The following ERBB4 variants were observed in gnomAD, a reference collection of about 807,000 sequenced individuals.
ERBB4 encodes receptor tyrosine-protein kinase erbB-4.
In ERBB4, 42 loss-of-function variants were observed where a neutral mutation model predicts 158.0. That is an observed-to-expected ratio of 0.27 (90% confidence interval 0.21 to 0.34). ERBB4 has a LOEUF of 0.34. Among genes scored for constraint, ERBB4 ranks in the 10% least tolerant of loss-of-function variants. ERBB4 has a pLI of 1.00. For synonymous variants in ERBB4, 583 were observed against 558.7 expected (o/e 1.04, Z -0.61); for missense variants, 1,333 against 1,624.1 (o/e 0.82, Z 3.08).
chr2:211,603,115 C>T (rs540383099), intron 19 of ERBB4, among the ~76,000 whole-genome samples: 21 of 152,208 alleles, frequency 1.4e-4, no homozygotes, highest in African/African-American at 4.6e-4. Flanking sequence ...CCTGTAGTCC[C>T]AGCTACTCGG....
At chr2:211,757,772 C>A (rs1294615962) in intron 4 of ERBB4, among the ~76,000 whole-genome samples, 1 of 152,178 alleles carries the variant, frequency 6.6e-6, no homozygotes, top group Non-Finnish European at 1.5e-5. Flanking sequence ...CTTGAAGATT[C>A]TAAAGTTACT....
chr2:212,232,844 A>G (rs2105987586), intron 1 of ERBB4, among the ~76,000 whole-genome samples: 1 of 152,326 alleles, frequency 6.6e-6, no homozygotes, highest in Middle Eastern at 3.4e-3. Context: ...GAAGACCAAG[A>G]AGAAAACAGG....
chr2:212,019,436 T>C (rs1460053899), intron 2 of ERBB4, among the ~76,000 whole-genome samples: 3 of 151,882 alleles, frequency 2.0e-5, no homozygotes, highest in Non-Finnish European at 4.4e-5. Context: ...CATAAAATGA[T>C]GAATGGAAAA....
intron 25 of ERBB4, among the ~76,000 whole-genome samples, chr2:211,419,284 T>C (rs547972184): frequency 2.2e-4 from 33 of 152,156 alleles, no homozygotes; most frequent in African/African-American, 6.7e-4. Flanking sequence ...TAATAGAACC[T>C]CATGAAGTTT....
intron 2 of ERBB4, among the ~76,000 whole-genome samples, chr2:211,993,361 G>A (rs1256557856): frequency 6.6e-6 from 1 of 152,178 alleles, no homozygotes; most frequent in Non-Finnish European, 1.5e-5. Flanking sequence ...CGCCTCAGGA[G>A]ACACCTACTC....
intron 2 of ERBB4, among the ~76,000 whole-genome samples, chr2:211,978,281 T>G (rs1441323821): frequency 6.6e-6 from 1 of 152,044 alleles, no homozygotes; most frequent in Non-Finnish European, 1.5e-5. Context: ...GGATCCTCTC[T>G]ATAATTTCCC....
intron 1 of ERBB4, among the ~76,000 whole-genome samples, chr2:212,245,675 C>T (rs530275879): frequency 6.6e-6 from 1 of 152,106 alleles, no homozygotes; most frequent in African/African-American, 2.4e-5. Flanking sequence ...GGCCTGATAT[C>T]AACTGCTGTT....
At chr2:211,962,883 C>G (rs2081215867) in intron 2 of ERBB4, among the ~76,000 whole-genome samples, 1 of 152,028 alleles carries the variant, frequency 6.6e-6, no homozygotes, top group African/African-American at 2.4e-5. Context: ...TGGAATTTTC[C>G]CAAGTACTAT....
chr2:211,621,733 A>C (rs2069611357), intron 18 of ERBB4, among the ~76,000 whole-genome samples: 1 of 152,220 alleles, frequency 6.6e-6, no homozygotes, highest in Non-Finnish European at 1.5e-5. Flanking sequence ...TATCTTAAAA[A>C]TGGAAGTACG....
intron 20 of ERBB4, among the ~76,000 whole-genome samples, chr2:211,467,753 G>T (rs1230708998): frequency 6.6e-6 from 1 of 152,140 alleles, no homozygotes; most frequent in Non-Finnish European, 1.5e-5. Context: ...GAGGAAAGAA[G>T]CTAAATTCCT....
intron 3 of ERBB4, among the ~76,000 whole-genome samples, chr2:211,791,287 T>C (rs913423243): frequency 6.6e-6 from 1 of 151,952 alleles, no homozygotes; most frequent in Non-Finnish European, 1.5e-5. Flanking sequence ...AGTACAAAAA[T>C]GTCTGGCTAT....
chr2:212,399,545 CATATATATATATATATATATATAT>C (rs869111881), intron 1 of ERBB4, among the ~76,000 whole-genome samples: 2 of 38,098 alleles, frequency 5.2e-5, no homozygotes, highest in Admixed American at 2.5e-4. Flanking sequence ...TTTATATATA[CATATATATATATATATATATATAT>C]ATATATATAT....
At chr2:212,447,945 A>G (rs2092387609) in intron 1 of ERBB4, among the ~76,000 whole-genome samples, 1 of 152,126 alleles carries the variant, frequency 6.6e-6, no homozygotes, top group Admixed American at 6.5e-5. Context: ...TTGTCATTAT[A>G]TGGAATTGAA....
At chr2:211,517,603 C>A (rs995583985) in intron 20 of ERBB4, among the ~76,000 whole-genome samples, 6 of 152,108 alleles carry the variant, frequency 3.9e-5, no homozygotes, top group African/African-American at 1.4e-4. Context: ...ATTAGGCACA[C>A]CTTGCCTAAA....
At chr2:211,670,966 G>A (rs1034941181) in intron 14 of ERBB4, among the ~76,000 whole-genome samples, 2 of 152,080 alleles carry the variant, frequency 1.3e-5, no homozygotes, top group Non-Finnish European at 2.9e-5. Context: ...GCTACAGATG[G>A]TAAGCGAACA....
intron 5 of ERBB4, among the ~76,000 whole-genome samples, chr2:211,748,559 C>T (rs2075039197): frequency 6.6e-6 from 1 of 152,168 alleles, no homozygotes; most frequent in Non-Finnish European, 1.5e-5. Flanking sequence ...GCTCCTTCCT[C>T]CCTCAGATCT....
intron 2 of ERBB4, among the ~76,000 whole-genome samples, chr2:211,992,567 G>GAAAAAAAAAAAAAA (rs780595071): frequency 8.0e-6 from 1 of 125,240 alleles, no homozygotes. Flanking sequence ...GAGAGAGAGA[G>GAAAAAAAAAAAAAA]AAAAAAAAAA....
chr2:212,298,590 C>T (rs1461876318), intron 1 of ERBB4, among the ~76,000 whole-genome samples: 1 of 151,716 alleles, frequency 6.6e-6, no homozygotes, highest in African/African-American at 2.4e-5. Flanking sequence ...CTATTTTACA[C>T]TACCTGAGGA....
intron 1 of ERBB4, among the ~76,000 whole-genome samples, chr2:212,421,981 A>G (rs76172066): frequency 0.022 from 3,357 of 152,312 alleles, 97 homozygotes; most frequent in South Asian, 0.051. Context: ...AACATGCAGA[A>G]AAGAGTTATT....
Sources: allele counts gnomAD v4.1 joint callset (sites outside exome capture counted in the v4.1 genomes callset), GRCh38; gene constraint gnomAD v4.1.1; transcripts MANE v1.5; gene names NCBI Gene and HGNC (gene_info 2026-07-23, HGNC 2026-07-21).